Variants in CACNG7 observed in about 807,000 individuals in gnomAD.
The protein encoded by CACNG7 is calcium voltage-gated channel auxiliary subunit gamma 7.
CACNG7 carries 9 observed loss-of-function variants against 26.3 expected under a neutral mutation model. The ratio of observed to expected loss-of-function variants is 0.34; its 90% CI spans 0.21 to 0.60. CACNG7 has a LOEUF of 0.60. CACNG7 is among the 20% of genes least tolerant of loss of function. The pLI is 0.81. For synonymous variants in CACNG7, 170 were observed against 157.0 expected (o/e 1.08, Z -0.62); for missense variants, 297 against 380.4 (o/e 0.78, Z 1.82).
intron 2 of CACNG7, among the ~76,000 whole-genome samples, 186 bp downstream of exon 2, chr19:53,913,213 T>A (rs1387922460): frequency 9.2e-5 from 14 of 152,034 alleles, no homozygotes; most frequent in Admixed American, 9.2e-4. Flanking sequence ...GGAGCCCCAA[T>A]GCTCCAGGCC....
In CACNG7 at chr19:53,935,463, C is replaced by T. The variant is rs1428489169; in HGVS notation, c.425-6007C>T. 5.3e-5 allele frequency among the ~76,000 whole-genome samples: 8 copies of T among 151,666 alleles called. No individual in the cohort carries two copies. The East Asian group carries it at 1.4e-3, about 26-fold the overall frequency. ...TCAGCCTCCCAAATAGCTGGAACTA[C>T]AGGCTAATGCCACCACGCCTGGCTA... On this transcript the variant is annotated intron_variant, in intron 4 of 5. Transcript: ENST00000391767.
At chr19:53,924,626 C>A (rs1346171205) in intron 4 of CACNG7, among the ~76,000 whole-genome samples, 9 of 98,698 alleles carry the variant, frequency 9.1e-5, no homozygotes, top group African/African-American at 4.1e-4. Flanking sequence ...CATTGGTGGA[C>A]TTGCCCCAGG....
chr19:53,918,559 T>A (rs2068913058), intron 4 of CACNG7, among the ~76,000 whole-genome samples: 1 of 152,156 alleles, frequency 6.6e-6, no homozygotes, highest in South Asian at 2.1e-4. Flanking sequence ...AGGTCATCAT[T>A]TGCCAACCCC....
At chr19:53,920,139 C>A (rs1282692820) in intron 4 of CACNG7, among the ~76,000 whole-genome samples, 1 of 111,166 alleles carries the variant, frequency 9.0e-6, no homozygotes, top group Non-Finnish European at 1.8e-5. Context: ...TGGACTTGCC[C>A]CAGGTCTGGT....
chr19:53,925,339 G>A (rs1384819042), intron 4 of CACNG7, among the ~76,000 whole-genome samples: 28 of 150,290 alleles, frequency 1.9e-4, no homozygotes, highest in Non-Finnish European at 3.3e-4. Context: ...GGTCATTGGT[G>A]GAGTTGCCCC....
At chr19:53,932,643 T>G (rs1356881921) in intron 4 of CACNG7, among the ~76,000 whole-genome samples, 6 of 152,196 alleles carry the variant, frequency 3.9e-5, no homozygotes. Context: ...GTTCCACATG[T>G]ACATTGAGTT....
At chr19:53,933,823 G>A (rs549701908) in intron 4 of CACNG7, among the ~76,000 whole-genome samples, 5 of 152,126 alleles carry the variant, frequency 3.3e-5, no homozygotes, top group African/African-American at 4.8e-5. Context: ...CCATGTCATC[G>A]TTTTTCTGAA....
intron 2 of CACNG7, among the ~76,000 whole-genome samples, chr19:53,913,803 A>G (rs536367017): frequency 5.0e-4 from 72 of 145,076 alleles, no homozygotes; most frequent in Non-Finnish European, 6.9e-4. Context: ...AAAAAAAAAA[A>G]AAAAAGAAAA....
rs748447237 is a variant in CACNG7, at chr19:53,942,167, C to T, written c.702C>T (p.Pro234=). 6.8e-6 allele frequency: 11 copies of T among 1,614,034 alleles called. No homozygotes were observed. The South Asian group carries it at 9.9e-5, about 14-fold the overall frequency. The change falls in exon 6 of 6, where the codon CCC becomes CCT. Residue 234 remains proline, a synonymous_variant. Transcript: ENST00000391767. This position sits in a 1 kb window ranked among gnomAD's most constrained non-coding sequence, Gnocchi z 5.9. ...ACTACTCGGGCCAGTTCCTGCAGCCCGAGGCGTGGCGCCGCGGCCGGAGCC... is the reference window on the plus strand; with the variant it reads ...ACTACTCGGGCCAGTTCCTGCAGCCTGAGGCGTGGCGCCGCGGCCGGAGCC... The part of the protein sequence containing the change: ...CSDYSGQFLQ[P]EAWRRGRSPS...
At chr19:53,911,124 T>C (rs1402643587) in intron 1 of CACNG7, among the ~76,000 whole-genome samples, 1 of 151,752 alleles carries the variant, frequency 6.6e-6, no homozygotes, top group Non-Finnish European at 1.5e-5. Flanking sequence ...TGAAGTGCAA[T>C]GGTGCTATCT....
intron 4 of CACNG7, among the ~76,000 whole-genome samples, chr19:53,924,796 G>C (rs1369938578): frequency 8.9e-6 from 1 of 112,376 alleles, no homozygotes; most frequent in Non-Finnish European, 1.8e-5. Flanking sequence ...GCCTAGTGCT[G>C]GTCATTGGTG....
chr19:53,931,575 C>A (rs2069071587), intron 4 of CACNG7, among the ~76,000 whole-genome samples: 1 of 150,256 alleles, frequency 6.7e-6, no homozygotes, highest in Non-Finnish European at 1.5e-5. Context: ...GTAGTCCCAG[C>A]TACTCAGGAA....
intron 4 of CACNG7, among the ~76,000 whole-genome samples, chr19:53,934,568 A>G (rs929786082): frequency 6.6e-6 from 1 of 151,906 alleles, no homozygotes; most frequent in Non-Finnish European, 1.5e-5. Context: ...TGAGCCTAAG[A>G]GTTTGAGACC....
intron 2 of CACNG7, among the ~76,000 whole-genome samples, chr19:53,913,747 G>A (rs980211248): frequency 8.1e-5 from 11 of 135,724 alleles, no homozygotes; most frequent in Non-Finnish European, 1.1e-4. Context: ...CGGTGCTGCT[G>A]TACTCCAACC....
At chr19:53,913,360 G>A (rs2068872913) in intron 2 of CACNG7, among the ~76,000 whole-genome samples, 1 of 151,942 alleles carries the variant, frequency 6.6e-6, no homozygotes, top group Non-Finnish European at 1.5e-5. Context: ...GGTGGCTCAT[G>A]CCTGTAATCC....
intron 4 of CACNG7, among the ~76,000 whole-genome samples, chr19:53,936,199 G>A (rs1400524227): frequency 6.6e-6 from 1 of 152,018 alleles, no homozygotes; most frequent in Non-Finnish European, 1.5e-5. Context: ...AGTGGATTCA[G>A]GTTACGCATT....
intron 4 of CACNG7, among the ~76,000 whole-genome samples, chr19:53,935,768 G>A (rs2069101492): frequency 7.0e-6 from 1 of 143,458 alleles, no homozygotes; most frequent in Admixed American, 7.5e-5. Context: ...AGCCTCCCAA[G>A]TAGCTGGGAT....
chr19:53,929,086 T>C (rs1599992033), intron 4 of CACNG7, among the ~76,000 whole-genome samples: 1 of 115,210 alleles, frequency 8.7e-6, no homozygotes, highest in Non-Finnish European at 1.6e-5. Flanking sequence ...CACTCCAACC[T>C]GGGTGACACA....
At chr19:53,925,081 C>G (rs920408233) in intron 4 of CACNG7, among the ~76,000 whole-genome samples, 1 of 100,592 alleles carries the variant, frequency 9.9e-6, no homozygotes, top group Non-Finnish European at 1.9e-5. Context: ...GGAGTTGCCC[C>G]AGGTCTGGTC....
Sources: gnomAD v4.1 joint callset for allele counts (sites outside exome capture counted in the v4.1 genomes callset) on GRCh38, gnomAD v4.1.1 for gene constraint, Gnocchi (gnomAD v3.1) non-coding constraint, MANE v1.5 for transcripts, NCBI Gene and HGNC (gene_info 2026-07-23, HGNC 2026-07-21) for gene names.